Variants in PTPRO observed in about 807,000 individuals in gnomAD.
PTPRO encodes the protein protein tyrosine phosphatase receptor type O.
PTPRO carries 62 observed loss-of-function variants against 145.2 expected under a neutral mutation model. The ratio of observed to expected loss-of-function variants is 0.43; its 90% CI spans 0.35 to 0.53. PTPRO has a LOEUF of 0.53. Ranked by LOEUF, PTPRO falls within the 20% of genes least tolerant of loss-of-function variation. PTPRO has a pLI of 0.01. For missense variants in PTPRO, 1,345 were observed against 1,482.7 expected, an observed-to-expected ratio of 0.91 and a Z score of 1.53; for synonymous variants, 565 against 514.7, an observed-to-expected ratio of 1.10 and a Z score of -1.32.
At chr12:15,458,232 A>T (rs778432820) in intron 1 of PTPRO, among the ~76,000 whole-genome samples, 2 of 152,290 alleles carry the variant, frequency 1.3e-5, no homozygotes, top group African/African-American at 4.8e-5. Context: ...TGACAGCCTT[A>T]TGCAGATTCC....
intron 1 of PTPRO, among the ~76,000 whole-genome samples, chr12:15,341,122 CTTTT>C (rs895255119): frequency 6.6e-6 from 1 of 152,000 alleles, no homozygotes; most frequent in Non-Finnish European, 1.5e-5. Context: ...GTTTGTTTTT[CTTTT>C]CTTTTTATTT....
intron 1 of PTPRO, among the ~76,000 whole-genome samples, chr12:15,430,588 T>TG (rs34646708): frequency 6.6e-6 from 1 of 152,214 alleles, no homozygotes; most frequent in Non-Finnish European, 1.5e-5. Context: ...TTGAACCACT[T>TG]GGGGAGATGT....
chr12:15,589,096 C>T (rs999506319), intron 24 of PTPRO, among the ~76,000 whole-genome samples: 12 of 152,124 alleles, frequency 7.9e-5, no homozygotes, highest in African/African-American at 2.7e-4. Context: ...ACCATCTGGG[C>T]TGGCCGAGGT....
intron 12 of PTPRO, among the ~76,000 whole-genome samples, chr12:15,540,675 T>C (rs1410874693): frequency 6.6e-6 from 1 of 152,184 alleles, no homozygotes; most frequent in Non-Finnish European, 1.5e-5. Context: ...ACTATTCCCT[T>C]TGGAATTCCT....
At chr12:15,388,311 T>C (rs1252325450) in intron 1 of PTPRO, among the ~76,000 whole-genome samples, 1 of 152,180 alleles carries the variant, frequency 6.6e-6, no homozygotes, top group Non-Finnish European at 1.5e-5. Context: ...CATATAAATT[T>C]TATATACTTC....
chr12:15,335,300 T>C (rs1396831981), intron 1 of PTPRO, among the ~76,000 whole-genome samples: 2 of 152,026 alleles, frequency 1.3e-5, no homozygotes, highest in Admixed American at 1.3e-4. Context: ...ATAAGATAAA[T>C]AGTAAAAGAC....
chr12:15,408,549 T>G (rs970345948), intron 1 of PTPRO, among the ~76,000 whole-genome samples: 3 of 152,266 alleles, frequency 2.0e-5, no homozygotes, highest in African/African-American at 7.2e-5. Flanking sequence ...TGCTTCAGCC[T>G]CCTGAGTAGC....
intron 1 of PTPRO, chr12:15,439,808 T>C: frequency 1.6e-6 from 1 of 611,480 alleles, no homozygotes; most frequent in Non-Finnish European, 3.0e-6. Context: ...TATCATTGAC[T>C]TTTTCTTGGG....
intron 17 of PTPRO, among the ~76,000 whole-genome samples, chr12:15,564,654 A>T (rs1943854174): frequency 6.6e-6 from 1 of 152,230 alleles, no homozygotes; most frequent in Non-Finnish European, 1.5e-5. Flanking sequence ...AAATATTTGG[A>T]CACATTAAAG....
In PTPRO at chr12:15,596,304, A is replaced by C. The variant is rs1944658259; in HGVS notation, c.*231A>C. Reference sequence around the variant, plus strand: ...CATTTAATAATGGACCAAATTCAACAGAACACCAGGAAGGTCAAGACGCTC... The same window carrying C: ...CATTTAATAATGGACCAAATTCAACCGAACACCAGGAAGGTCAAGACGCTC... On this transcript the variant is annotated 3_prime_UTR_variant, in exon 27 of 27. Transcript: ENST00000281171. The C allele has an allele frequency of 6.6e-6, 1 of 152,652 alleles. No homozygotes were observed. The highest frequency in any genetic ancestry group is 2.1e-4 in the South Asian group (1 of 4,828). The allele number at this position is 152,652 out of a possible 1,614,324, so 9.5% of individuals were successfully genotyped here. A position where few individuals can be genotyped will look rare whatever the true frequency, so the allele number is the denominator to read the frequency against.
chr12:15,569,096 C>T (rs1943976292), intron 18 of PTPRO, among the ~76,000 whole-genome samples: 1 of 152,076 alleles, frequency 6.6e-6, no homozygotes, highest in South Asian at 2.1e-4. Flanking sequence ...TTTCCATATG[C>T]CAGAGTTTTT....
chr12:15,374,913 C>T (rs1412050450), intron 1 of PTPRO, among the ~76,000 whole-genome samples: 3 of 152,188 alleles, frequency 2.0e-5, no homozygotes, highest in African/African-American at 7.2e-5. Flanking sequence ...AGTCCCTCAT[C>T]TCTGACTGAT....
intron 1 of PTPRO, among the ~76,000 whole-genome samples, chr12:15,444,783 C>T (rs945111503): frequency 3.9e-5 from 6 of 152,118 alleles, no homozygotes; most frequent in African/African-American, 1.2e-4. Flanking sequence ...TCTTTGACTT[C>T]CCAGCTCCCA....
chr12:15,380,930 G>C (rs1336034584), intron 1 of PTPRO, among the ~76,000 whole-genome samples: 1 of 152,090 alleles, frequency 6.6e-6, no homozygotes, highest in African/African-American at 2.4e-5. Flanking sequence ...TAAAGAAGGA[G>C]ACATACTATA....
intron 12 of PTPRO, among the ~76,000 whole-genome samples, chr12:15,537,652 G>T (rs1035873775): frequency 1.3e-5 from 2 of 152,152 alleles, no homozygotes; most frequent in African/African-American, 4.8e-5. Context: ...AAGAATCCAA[G>T]AATTTTTGGT....
chr12:15,410,407 CAGA>C (rs905281511), intron 1 of PTPRO: 4 of 152,170 alleles, frequency 2.6e-5, no homozygotes, highest in African/African-American at 9.7e-5. Flanking sequence ...AGCAAAAAGA[CAGA>C]AGAATGCTGG....
chr12:15,579,740 A>G (rs911693178), intron 20 of PTPRO, among the ~76,000 whole-genome samples: 4 of 152,200 alleles, frequency 2.6e-5, no homozygotes, highest in African/African-American at 9.7e-5. Flanking sequence ...ATAGCTGTCC[A>G]ATCAATCTCA....
At chr12:15,536,615 G>A (rs188877929) in intron 12 of PTPRO, among the ~76,000 whole-genome samples, 76 of 152,292 alleles carry the variant, frequency 5.0e-4, no homozygotes, top group Middle Eastern at 3.4e-3. Context: ...AAGCAGAGGC[G>A]CATAACCTAA....
At chr12:15,422,197 C>G (rs1443127785) in intron 1 of PTPRO, among the ~76,000 whole-genome samples, 1 of 152,052 alleles carries the variant, frequency 6.6e-6, no homozygotes, top group Non-Finnish European at 1.5e-5. Context: ...TCATTCTTAC[C>G]TCTGCCAAAT....
Sources: gnomAD v4.1 joint callset for allele counts (sites outside exome capture counted in the v4.1 genomes callset) on GRCh38, gnomAD v4.1.1 for gene constraint, MANE v1.5 for transcripts, NCBI Gene and HGNC (gene_info 2026-07-23, HGNC 2026-07-21) for gene names.